The following PIGH variants were observed in gnomAD, a reference collection of about 807,000 sequenced individuals.
The protein encoded by PIGH is phosphatidylinositol N-acetylglucosaminyltransferase subunit H.
PIGH carries 11 observed loss-of-function variants against 20.1 expected under a neutral mutation model. The observed-to-expected ratio is 0.55, with a 90% CI of 0.34 to 0.91. The LOEUF is 0.91. Ranked by LOEUF, PIGH falls within the 40% of genes least tolerant of loss-of-function variation. The pLI, the probability that PIGH is intolerant of heterozygous loss-of-function variation, is 0.02. For synonymous variants in PIGH, 72 were observed against 93.1 expected (o/e 0.77, Z 1.31); for missense variants, 189 against 233.6 (o/e 0.81, Z 1.24).
At position 67,589,609 on chromosome 14, in the gene PIGH, G is replaced by A; in HGVS notation, c.*471C>T. 1.0e-6 allele frequency: 1 copy of A among 986,122 alleles called. No individual in the cohort carries two copies. The allele number at this position is 986,122 out of a possible 1,614,324, so 61.1% of individuals were successfully genotyped here. On this transcript the variant is annotated 3_prime_UTR_variant, in exon 4 of 4. Coordinates refer to ENST00000216452, the MANE Select transcript of PIGH (RefSeq NM_004569.5). ...CTGTACAGAACACAGGCACTAGGTT[G>A]ACAGACTCGTCTTTTGTAGGACATT...
chr14:67,593,069 G>A (rs886380182), intron 2 of PIGH, among the ~76,000 whole-genome samples: 1 of 152,250 alleles, frequency 6.6e-6, no homozygotes, highest in African/African-American at 2.4e-5. Flanking sequence ...TTACAGGCGT[G>A]AGCCACCACA....
At chr14:67,594,887 C>T (rs915694739) in intron 1 of PIGH, among the ~76,000 whole-genome samples, 4 of 152,158 alleles carry the variant, frequency 2.6e-5, no homozygotes, top group Admixed American at 2.0e-4. Context: ...CGGTGGCTCA[C>T]GCCTGTAATC....
chr14:67,598,700 A>C (rs1248362956), intron 1 of PIGH, among the ~76,000 whole-genome samples: 1 of 140,656 alleles, frequency 7.1e-6, no homozygotes, highest in Non-Finnish European at 1.5e-5. Context: ...ATTTTAACTG[A>C]CTTATGAACA....
In PIGH at chr14:67,599,950, A is replaced by ACCAAAGACC. The variant is rs144087238; in HGVS notation, c.180+65_180+73dup. On this transcript the variant is annotated intron_variant, in intron 1 of 3. Transcript: ENST00000216452. The stretch of plus-strand genomic sequence containing the variant: ...GGGGCCGACCAGAGGTCCGGGCTCG[A>ACCAAAGACC]CCAAAGACCCCAAAGACCCTCCCAA... 13,019 of 1,322,724 alleles carry ACCAAAGACC rather than the reference A, an allele frequency of 9.8e-3. 596 individuals are homozygous for ACCAAAGACC. The East Asian group carries it at 0.12, about 12-fold the overall frequency. The allele number at this position is 1,322,724 out of a possible 1,614,324, so 81.9% of individuals were successfully genotyped here.
chr14:67,592,224 C>T, intron 3 of PIGH: 1 of 257,172 alleles, frequency 3.9e-6, no homozygotes, highest in Non-Finnish European at 7.7e-6. Context: ...TGCTTGAACT[C>T]AGGAGTTCAA....
At chr14:67,592,840 C>T in intron 2 of PIGH, 122 bp from the exon 3 acceptor site, 2 of 642,044 alleles carry the variant, frequency 3.1e-6, no homozygotes, top group South Asian at 1.9e-5. Context: ...AGCTGCAGTG[C>T]AGTGGCGCAA....
intron 1 of PIGH, among the ~76,000 whole-genome samples, chr14:67,595,584 A>G (rs2140631724): frequency 6.6e-6 from 1 of 152,300 alleles, no homozygotes; most frequent in East Asian, 1.9e-4. Flanking sequence ...ATGTGACACA[A>G]CTCTGGCCAA....
chr14:67,599,494 G>T (rs2036533767), intron 1 of PIGH, among the ~76,000 whole-genome samples: 1 of 151,996 alleles, frequency 6.6e-6, no homozygotes, highest in Non-Finnish European at 1.5e-5. Flanking sequence ...GAGGAGGGAG[G>T]GTTAAAAAAC....
chr14:67,596,844 C>G (rs1183915850), intron 1 of PIGH, among the ~76,000 whole-genome samples: 1 of 152,214 alleles, frequency 6.6e-6, no homozygotes, highest in African/African-American at 2.4e-5. Flanking sequence ...TATAAATCTC[C>G]ACTTGTCCAT....
rs1346980060 is a variant in PIGH at position 67,600,083 on chromosome 14, G to C, written c.121C>G (p.Leu41Val). The change falls in exon 1 of 4, where the codon CTC becomes GTC. Residue 41 changes from leucine to valine, a missense_variant. Transcript: ENST00000216452. ...LSCPRLSLRSLTAVTCTVWLA... is the reference protein window; with the variant it reads ...LSCPRLSLRSVTAVTCTVWLA... ...CACACCGTGCAGGTGACAGCGGTGA[G>C]CGAACGCAGCGAGAGCCGAGGGCAG... 1 of 1,592,928 alleles carries C rather than the reference G, an allele frequency of 6.3e-7. No individual in the cohort carries two copies. Among genetic ancestry groups the C allele is most frequent in the Non-Finnish European group, 8.5e-7 (1 of 1,170,152 alleles).
At chr14:67,597,737 C>G (rs2036499977) in intron 1 of PIGH, among the ~76,000 whole-genome samples, 1 of 148,276 alleles carries the variant, frequency 6.7e-6, no homozygotes, top group Admixed American at 6.9e-5. Flanking sequence ...CTGATACTGA[C>G]TATAAGTGCC....
At chr14:67,599,574 TGTG>T (rs2036536147) in intron 1 of PIGH, among the ~76,000 whole-genome samples, 2 of 152,088 alleles carry the variant, frequency 1.3e-5, no homozygotes, top group Admixed American at 6.6e-5. Context: ...CACACACACT[TGTG>T]GAGGCAAAGA....
rs539026317 is a variant in PIGH at position 67,591,343 on chromosome 14, G to A, written c.475-1171C>T. On this transcript the variant is annotated intron_variant, in intron 3 of 3. Coordinates refer to ENST00000216452, the MANE Select transcript of PIGH (RefSeq NM_004569.5). ...TAAAGTTGTCCAATCTCTGGAGCCC[G>A]ATCTTAAACACTAGAAATCTATAAA... Among the ~76,000 whole-genome samples the A allele has an allele frequency of 2.4e-4, 37 of 152,266 alleles. 1 individual carries two copies. The highest frequency in any genetic ancestry group is 2.1e-3 in the Admixed American group (32 of 15,292).
chr14:67,595,139 AAAAAT>A (rs1393683716), intron 1 of PIGH, among the ~76,000 whole-genome samples: 4 of 149,700 alleles, frequency 2.7e-5, no homozygotes, highest in Non-Finnish European at 2.9e-5. Flanking sequence ...TCCGTCTAAA[AAAAAT>A]AAAAATAAAA....
In PIGH at chr14:67,589,500, G is replaced by A; in HGVS notation, c.*580C>T. On this transcript the variant is annotated 3_prime_UTR_variant, in exon 4 of 4. Coordinates refer to ENST00000216452, the MANE Select transcript of PIGH (RefSeq NM_004569.5). Reference sequence around the variant, plus strand: ...ACCATGACTGAAATACTATGATCTTGTTTGTCAATAAAAAGCAGCTATCTG... The same window carrying A: ...ACCATGACTGAAATACTATGATCTTATTTGTCAATAAAAAGCAGCTATCTG... 1.0e-6 allele frequency: 1 copy of A among 984,946 alleles called. No homozygotes were observed. Among genetic ancestry groups the A allele is most frequent in the Non-Finnish European group, 1.2e-6 (1 of 829,510 alleles). The allele number at this position is 984,946 out of a possible 1,614,324, so 61.0% of individuals were successfully genotyped here.
At position 67,600,150 on chromosome 14, in the gene PIGH, C is replaced by A; in HGVS notation, c.54G>T (p.Gln18His). 1 of 1,592,930 alleles carries A rather than the reference C, an allele frequency of 6.3e-7. No homozygotes were observed. Among genetic ancestry groups the A allele is most frequent in the Non-Finnish European group, 8.5e-7 (1 of 1,170,708 alleles). Residue 18 changes from glutamine (Q) to histidine (H), a missense_variant, in exon 1 of 4, where the codon CAG becomes CAT. Coordinates refer to ENST00000216452, the MANE Select transcript of PIGH (RefSeq NM_004569.5). ...SDICGGRLAL[Q>H]RRYYSPSCRE... ...GGCAGGACGGGGAGTAGTAGCGGCG[C>A]TGCAGCGCCAGGCGGCCGCCGCAGA...
At chr14:67,594,386 C>A (rs552125185) in intron 1 of PIGH, among the ~76,000 whole-genome samples, 3 of 152,290 alleles carry the variant, frequency 2.0e-5, no homozygotes, top group Admixed American at 6.5e-5. Flanking sequence ...AGGTGGCTCA[C>A]GCCTGTACTC....
In PIGH at chr14:67,600,217, G is replaced by T; in HGVS notation, c.-14C>A. 6.4e-7 allele frequency: 1 copy of T among 1,558,150 alleles called. No individual in the cohort carries two copies. ...CTCATCCTCCATGACGCCCCCACTC[G>T]GCCGCCCGCACCGCGCGGCGCTGCA... On this transcript the variant is annotated 5_prime_UTR_variant, in exon 1 of 4. Coordinates refer to ENST00000216452, the MANE Select transcript of PIGH (RefSeq NM_004569.5).
At position 67,600,198 on chromosome 14, in the gene PIGH, C is replaced by T. The variant is rs1474003890; in HGVS notation, c.6G>A (p.Glu2=). The change falls in exon 1 of 4, where the codon GAG becomes GAA. Residue 2 remains glutamate (E), a synonymous_variant. Coordinates refer to ENST00000216452, the MANE Select transcript of PIGH (RefSeq NM_004569.5). ...AGATATCCGAAAAGCTCCGCTCATC[C>T]TCCATGACGCCCCCACTCGGCCGCC... M[E]DERSFSDICG... 2 of 1,575,050 alleles carry T rather than the reference C, an allele frequency of 1.3e-6. No homozygotes were observed. Among genetic ancestry groups the T allele is most frequent in the Admixed American group, 1.8e-5 (1 of 55,692 alleles).
Sources: gnomAD v4.1 joint callset for allele counts (sites outside exome capture counted in the v4.1 genomes callset) on GRCh38, gnomAD v4.1.1 for gene constraint, MANE v1.5 for transcripts, NCBI Gene and HGNC (gene_info 2026-07-23, HGNC 2026-07-21) for gene names.